Variants in TNKS observed in about 807,000 individuals in gnomAD.
TNKS encodes tankyrase, also known as poly [ADP-ribose] polymerase tankyrase-1.
A neutral mutation model predicts 135.8 loss-of-function variants in TNKS; 72 were observed. The observed-to-expected ratio is 0.53, with a 90% CI of 0.44 to 0.64. The LOEUF (loss-of-function observed/expected upper bound fraction) is 0.64. TNKS is among the 30% of genes least tolerant of loss of function. The pLI is 0.00. For synonymous variants in TNKS, 849 were observed against 649.3 expected (o/e 1.31, Z -4.68); for missense variants, 1,769 against 1,674.0 (o/e 1.06, Z -0.99).
chr8:9,716,112 T>G (rs1804588259), intron 11 of TNKS, among the ~76,000 whole-genome samples: 1 of 152,228 alleles, frequency 6.6e-6, no homozygotes, highest in Non-Finnish European at 1.5e-5. Context: ...CAGTTCATAT[T>G]CATATGTCTT....
At chr8:9,662,245 G>C (rs1444216840) in intron 3 of TNKS, among the ~76,000 whole-genome samples, 1 of 152,160 alleles carries the variant, frequency 6.6e-6, no homozygotes, top group Non-Finnish European at 1.5e-5. Flanking sequence ...CCATTACTGG[G>C]TATATACCCA....
chr8:9,582,656 A>G (rs1454060435), intron 2 of TNKS, among the ~76,000 whole-genome samples: 4 of 152,200 alleles, frequency 2.6e-5, no homozygotes, highest in African/African-American at 7.2e-5. Flanking sequence ...TACATGTAAA[A>G]TGAGAATACT....
At chr8:9,685,932 G>T (rs1310493513) in intron 5 of TNKS, among the ~76,000 whole-genome samples, 2 of 152,076 alleles carry the variant, frequency 1.3e-5, no homozygotes, top group Non-Finnish European at 2.9e-5. Flanking sequence ...TTCTTGATCA[G>T]TACCCCCGTC....
At chr8:9,615,396 A>G (rs1231269262) in intron 2 of TNKS, 186 bp from the exon 3 acceptor site, 1 of 457,140 alleles carries the variant, frequency 2.2e-6, no homozygotes, top group Non-Finnish European at 3.9e-6. Context: ...ATAAGTTGCC[A>G]ACTTCATTTC....
At chr8:9,752,681 G>A in intron 20 of TNKS, 55 bp downstream of exon 20, 2 of 1,242,236 alleles carry the variant, frequency 1.6e-6, no homozygotes, top group Non-Finnish European at 1.2e-6. Flanking sequence ...AGATTAGGCT[G>A]GATGCAGTGG....
chr8:9,643,348 C>T (rs1800791011), intron 3 of TNKS, among the ~76,000 whole-genome samples: 1 of 145,742 alleles, frequency 6.9e-6, no homozygotes, highest in African/African-American at 2.5e-5. Context: ...TGTGTCATCC[C>T]ATGGTGGAAG....
intron 2 of TNKS, among the ~76,000 whole-genome samples, chr8:9,594,908 T>A (rs1217002897): frequency 6.6e-6 from 1 of 152,220 alleles, no homozygotes; most frequent in Admixed American, 6.5e-5. Context: ...ATTTAGTTTG[T>A]CACACTGTCT....
At chr8:9,556,853 C>T (rs1354766387) in intron 1 of TNKS, 3 of 583,800 alleles carry the variant, frequency 5.1e-6, no homozygotes, top group Non-Finnish European at 9.1e-6. Flanking sequence ...TTACAAAACT[C>T]ACTGTAGTTG....
chr8:9,653,192 A>G (rs1585280952), intron 3 of TNKS, among the ~76,000 whole-genome samples: 2 of 152,198 alleles, frequency 1.3e-5, no homozygotes, highest in African/African-American at 4.8e-5. Context: ...CATTTTAAAC[A>G]TGCATGAATC....
chr8:9,707,196 C>G (rs574258403), intron 8 of TNKS, among the ~76,000 whole-genome samples, 199 bp downstream of exon 8: 7 of 152,006 alleles, frequency 4.6e-5, no homozygotes, highest in African/African-American at 1.4e-4. Context: ...TGTATTTATT[C>G]GAGCCTAGTT....
chr8:9,665,054 A>T (rs1320385971), intron 3 of TNKS, among the ~76,000 whole-genome samples: 2 of 152,206 alleles, frequency 1.3e-5, no homozygotes, highest in South Asian at 4.1e-4. Flanking sequence ...AATACTGACA[A>T]TGCTAATCAA....
intron 20 of TNKS, among the ~76,000 whole-genome samples, chr8:9,758,043 C>T (rs2128831752): frequency 6.6e-6 from 1 of 152,300 alleles, no homozygotes; most frequent in East Asian, 1.9e-4. Context: ...AGGGAAAAGA[C>T]AGATACAGCT....
At chr8:9,765,616 A>G (rs1351642852) in intron 23 of TNKS, 76 bp from the exon 24 acceptor site, 1 of 1,290,836 alleles carries the variant, frequency 7.7e-7, no homozygotes, top group Non-Finnish European at 1.1e-6. Flanking sequence ...CCTTCCTAAA[A>G]GGAAAACATA....
At chr8:9,580,726 A>C (rs1798133130) in intron 2 of TNKS, among the ~76,000 whole-genome samples, 1 of 152,124 alleles carries the variant, frequency 6.6e-6, no homozygotes, top group African/African-American at 2.4e-5. Context: ...AATTCTACTG[A>C]GTTGGATGAC....
chr8:9,646,058 C>A (rs1479782269), intron 3 of TNKS, among the ~76,000 whole-genome samples: 5 of 152,128 alleles, frequency 3.3e-5, no homozygotes, highest in African/African-American at 1.2e-4. Flanking sequence ...TATATCTCTT[C>A]ATTTTAGAAA....
intron 11 of TNKS, among the ~76,000 whole-genome samples, chr8:9,713,890 A>G (rs1473111123): frequency 6.6e-6 from 1 of 152,110 alleles, no homozygotes; most frequent in African/African-American, 2.4e-5. Flanking sequence ...TGGTTTCTGT[A>G]TGATTTTCAG....
intron 14 of TNKS, among the ~76,000 whole-genome samples, chr8:9,732,479 C>T (rs1235115429): frequency 6.6e-6 from 1 of 151,414 alleles, no homozygotes; most frequent in Non-Finnish European, 1.5e-5. Context: ...AAAAGGGACA[C>T]ATCAGACATG....
Position 9,751,808 on chromosome 8 carries a change from G to A in TNKS, c.3032G>A (p.Gly1011Glu), listed in dbSNP as rs1563210040. ...ELAVGGASNA[G>E]DGAAGTERKE... is the part of the protein sequence containing the mutation. ...GCCGTAGGAGGAGCCTCCAATGCAG[G>A]GGATGGCGCCGCGGGAACAGAAAGG... The change falls in exon 19 of 27, where the codon GGG (glycine) becomes GAG (glutamate). Residue 1011 changes from glycine to glutamate, a missense_variant. By Grantham distance (98) the Gly-to-Glu change is moderately conservative. Transcript: ENST00000310430. The A allele has an allele frequency of 1.2e-6, 2 of 1,614,162 alleles. No individual in the cohort carries two copies. The highest frequency in any genetic ancestry group is 1.7e-6 in the Non-Finnish European group (2 of 1,180,022).
At chr8:9,602,696 A>G (rs1799063096) in intron 2 of TNKS, among the ~76,000 whole-genome samples, 2 of 152,236 alleles carry the variant, frequency 1.3e-5, no homozygotes, top group African/African-American at 4.8e-5. Flanking sequence ...TTAGCAATGT[A>G]ATGCCACACA....
Sources: allele counts gnomAD v4.1 joint callset (sites outside exome capture counted in the v4.1 genomes callset), GRCh38; gene constraint gnomAD v4.1.1; transcripts MANE v1.5; gene names NCBI Gene and HGNC (gene_info 2026-07-23, HGNC 2026-07-21).